The following USPL1 variants were observed in gnomAD, a reference collection of about 807,000 sequenced individuals.
USPL1 encodes SUMO-specific isopeptidase USPL1.
A neutral mutation model predicts 51.5 loss-of-function variants in USPL1; 27 were observed. That is an observed-to-expected ratio of 0.52 (90% confidence interval 0.39 to 0.72). The LOEUF (loss-of-function observed/expected upper bound fraction) is 0.72. USPL1 is among the 30% of genes least tolerant of loss of function. The probability of loss-of-function intolerance (pLI) is 0.00; values close to 1 mark genes in which losing one functional copy is unlikely to be tolerated. For synonymous variants in USPL1, 451 were observed against 459.6 expected, an observed-to-expected ratio of 0.98 and a Z score of 0.24; for missense variants, 1,226 against 1,268.0, an observed-to-expected ratio of 0.97 and a Z score of 0.50.
intron 4 of USPL1, among the ~76,000 whole-genome samples, chr13:30,632,050 T>C (rs1446771384): frequency 6.6e-6 from 1 of 151,964 alleles, no homozygotes; most frequent in Non-Finnish European, 1.5e-5. Flanking sequence ...TGTGCCATGG[T>C]GGTTTGTTGC....
intron 5 of USPL1, 128 bp from the exon 6 acceptor site, chr13:30,642,497 CTTA>C: frequency 9.5e-7 from 1 of 1,056,380 alleles, no homozygotes; most frequent in Non-Finnish European, 1.3e-6. Context: ...CTCTGAGTGA[CTTA>C]TTGTGTCATA....
intron 7 of USPL1, among the ~76,000 whole-genome samples, chr13:30,649,892 A>G (rs1951066183): frequency 6.6e-6 from 1 of 152,164 alleles, no homozygotes; most frequent in Non-Finnish European, 1.5e-5. Flanking sequence ...TTTTGGTTCC[A>G]GTTTGGTTAA....
At chr13:30,635,340 T>A (rs1192312354) in intron 4 of USPL1, among the ~76,000 whole-genome samples, 2 of 152,210 alleles carry the variant, frequency 1.3e-5, no homozygotes, top group African/African-American at 4.8e-5. Context: ...ATGTGTGGTA[T>A]GAGGTAAGGA....
intron 7 of USPL1, among the ~76,000 whole-genome samples, chr13:30,652,860 G>A (rs1951107853): frequency 6.6e-6 from 1 of 152,184 alleles, no homozygotes; most frequent in Admixed American, 6.5e-5. Flanking sequence ...AGACAAAGCT[G>A]CATTGCTGCT....
intron 6 of USPL1, among the ~76,000 whole-genome samples, chr13:30,644,089 C>T (rs767394526): frequency 1.3e-5 from 2 of 151,780 alleles, no homozygotes; most frequent in Non-Finnish European, 2.9e-5. Flanking sequence ...TTGAGACCAG[C>T]CTGGCCAACA....
At chr13:30,657,147 C>T (rs910919451) in intron 8 of USPL1, among the ~76,000 whole-genome samples, 4 of 152,238 alleles carry the variant, frequency 2.6e-5, no homozygotes, top group Admixed American at 6.5e-5. Flanking sequence ...AAAATGGAAG[C>T]TCAGAAATAA....
chr13:30,642,013 C>G (rs1237700217), intron 5 of USPL1, among the ~76,000 whole-genome samples: 1 of 152,030 alleles, frequency 6.6e-6, no homozygotes, highest in African/African-American at 2.4e-5. Context: ...CTCAAATGAG[C>G]CTCCTGCCTT....
chr13:30,649,923 A>G (rs553454746), intron 7 of USPL1, among the ~76,000 whole-genome samples: 1 of 152,238 alleles, frequency 6.6e-6, no homozygotes, highest in South Asian at 2.1e-4. Context: ...CCAATTTTCC[A>G]GTGGTTGAGG....
rs200200503 is a variant in USPL1, at chr13:30,646,885, G to A, written c.1113-47G>A. 1.9e-6 allele frequency: 3 copies of A among 1,570,926 alleles called. No homozygotes were observed. In the East Asian group the frequency reaches 6.8e-5, roughly 36 times the overall value. Reference sequence around the variant, plus strand: ...CTTTTAGACATTGGTTTAAATTAATGTAAATGCATTTAACGTTAATGAATT... The same window carrying A: ...CTTTTAGACATTGGTTTAAATTAATATAAATGCATTTAACGTTAATGAATT... On this transcript the variant is annotated intron_variant, in intron 6 of 8. Coordinates refer to ENST00000255304, the MANE Select transcript of USPL1 (RefSeq NM_005800.5).
chr13:30,637,785 A>T lies in USPL1; in HGVS notation c.910A>T (p.Ile304Leu). The change falls in exon 5 of 9, where the codon ATA (isoleucine) becomes TTA (leucine). Residue 304 changes from isoleucine (I) to leucine (L), a missense_variant. Coordinates refer to ENST00000255304, the MANE Select transcript of USPL1 (RefSeq NM_005800.5). ...KKLTSEIFAE[I>L]ETCLNEVRDE... ...ACTTACCTCAGAAATATTTGCAGAG[A>T]TAGAGACCTGTCTGAATGAAGTTAG... 6.2e-7 allele frequency: 1 copy of T among 1,613,668 alleles called. No individual in the cohort carries two copies. Among genetic ancestry groups the T allele is most frequent in the Non-Finnish European group, 8.5e-7 (1 of 1,179,840 alleles).
rs773602694 is a variant in USPL1, at chr13:30,646,951, A to G, written c.1132A>G (p.Thr378Ala). The G allele has an allele frequency of 6.2e-7, 1 of 1,613,734 alleles. No individual in the cohort carries two copies. Among genetic ancestry groups the G allele is most frequent in the Non-Finnish European group, 8.5e-7 (1 of 1,179,818 alleles). ...YQNRHMKSLV[T>A]FTNVIPEWHP... ...TTATAGGCATATGAAGAGTCTGGTC[A>G]CCTTTACAAATGTCATCCCTGAGTG... The change falls in exon 7 of 9, where the codon ACC becomes GCC. Residue 378 changes from threonine (T) to alanine (A), a missense_variant. Thr to Ala is a moderately conservative substitution (Grantham distance 58, BLOSUM62 0). Transcript: ENST00000255304.
intron 1 of USPL1, 62 bp from the exon 2 acceptor site, chr13:30,621,011 A>G (rs1950640094): frequency 5.7e-6 from 4 of 703,818 alleles, no homozygotes; most frequent in African/African-American, 1.9e-5. Context: ...ATAAAATAGC[A>G]TGGTTCTTTT....
chr13:30,644,683 G>A (rs929052496), intron 6 of USPL1, among the ~76,000 whole-genome samples: 14 of 152,240 alleles, frequency 9.2e-5, no homozygotes, highest in African/African-American at 1.9e-4. Flanking sequence ...TAGTTTCATC[G>A]TGTTAAAAGC....
chr13:30,621,417 C>T (rs935852290), intron 2 of USPL1, among the ~76,000 whole-genome samples, 178 bp downstream of exon 2: 1 of 151,980 alleles, frequency 6.6e-6, no homozygotes, highest in Non-Finnish European at 1.5e-5. Context: ...TTTATTGATA[C>T]ATGAAAGTGG....
chr13:30,658,311 A>G lies in USPL1; in HGVS notation c.2234A>G (p.Gln745Arg). The G allele has an allele frequency of 6.2e-7, 1 of 1,614,078 alleles. No individual in the cohort carries two copies. Among genetic ancestry groups the G allele is most frequent in the African/African-American group, 1.3e-5 (1 of 75,052 alleles). Reference sequence around the variant, plus strand: ...ACAACATCTAAGTCATTACAGAATCAGTCTCTGAAAGAAAATCAGAAGAAG... The same window carrying G: ...ACAACATCTAAGTCATTACAGAATCGGTCTCTGAAAGAAAATCAGAAGAAG... The part of the protein sequence containing the change: ...QTTTSKSLQN[Q>R]SLKENQKKPF... Residue 745 changes from glutamine (Q) to arginine (R), a missense_variant, in exon 9 of 9, where the codon CAG becomes CGG. Gln to Arg is a conservative substitution (Grantham distance 43). Coordinates refer to ENST00000255304, the MANE Select transcript of USPL1 (RefSeq NM_005800.5).
At chr13:30,650,107 C>G (rs1341643888) in intron 7 of USPL1, among the ~76,000 whole-genome samples, 1 of 152,150 alleles carries the variant, frequency 6.6e-6, no homozygotes, top group Non-Finnish European at 1.5e-5. Flanking sequence ...ATCCACCTGC[C>G]TTGGCCTCCC....
At chr13:30,632,016 G>A (rs936321380) in intron 4 of USPL1, among the ~76,000 whole-genome samples, 2 of 151,646 alleles carry the variant, frequency 1.3e-5, no homozygotes, top group Non-Finnish European at 2.9e-5. Flanking sequence ...TGCAGAACGT[G>A]CAGTTTTGTT....
At chr13:30,655,285 T>C (rs1001822454) in intron 8 of USPL1, among the ~76,000 whole-genome samples, 1 of 152,190 alleles carries the variant, frequency 6.6e-6, no homozygotes, top group Non-Finnish European at 1.5e-5. Flanking sequence ...AAATTTTTCT[T>C]TTTGGGGAAT....
chr13:30,631,443 T>G lies in USPL1; in HGVS notation c.837T>G (p.Leu279=). 1 of 1,614,092 alleles carries G rather than the reference T, an allele frequency of 6.2e-7. No homozygotes were observed. The highest frequency in any genetic ancestry group is 8.5e-7 in the Non-Finnish European group (1 of 1,179,990). Residue 279 remains leucine, a synonymous_variant, in exon 4 of 9, where the codon CTT becomes CTG. Transcript: ENST00000255304. ...LLTKYNQANT[L]LYTSQLSGVK... ...CAAAATATAATCAAGCAAATACACT[T>G]CTATATACCAGTCAATTGAGTGGTG... is the stretch of plus-strand genomic sequence containing the variant.
Sources: allele counts gnomAD v4.1 joint callset (sites outside exome capture counted in the v4.1 genomes callset), GRCh38; gene constraint gnomAD v4.1.1; transcripts MANE v1.5; gene names NCBI Gene and HGNC (gene_info 2026-07-23, HGNC 2026-07-21).